LCLAT1: variants seen among roughly 807,000 people sequenced by gnomAD.
The protein encoded by LCLAT1 is lysocardiolipin acyltransferase 1.
A neutral mutation model predicts 30.7 loss-of-function variants in LCLAT1; 11 were observed. The observed-to-expected ratio is 0.36, with a 90% CI of 0.23 to 0.59. The LOEUF (loss-of-function observed/expected upper bound fraction) is 0.59, where lower values mean the gene tolerates loss of function less well. LCLAT1 is among the 20% of genes least tolerant of loss of function. The pLI is 0.77. For missense variants in LCLAT1, 402 were observed against 458.6 expected, an observed-to-expected ratio of 0.88 and a Z score of 1.13; for synonymous variants, 155 against 151.3, an observed-to-expected ratio of 1.02 and a Z score of -0.18.
At chr2:30,618,673 T>C (rs1668104922) in intron 5 of LCLAT1, among the ~76,000 whole-genome samples, 1 of 152,186 alleles carries the variant, frequency 6.6e-6, no homozygotes, top group Admixed American at 6.5e-5. Flanking sequence ...TGTTTACCTA[T>C]GTAACAAACC....
intron 3 of LCLAT1, among the ~76,000 whole-genome samples, chr2:30,535,677 G>A (rs1686208638): frequency 6.6e-6 from 1 of 152,168 alleles, no homozygotes; most frequent in Non-Finnish European, 1.5e-5. Context: ...CCCTATGAAA[G>A]CTATATCATA....
At chr2:30,615,272 A>G (rs1667941513) in intron 5 of LCLAT1, among the ~76,000 whole-genome samples, 1 of 152,156 alleles carries the variant, frequency 6.6e-6, no homozygotes, top group East Asian at 1.9e-4. Flanking sequence ...CCCTAAATAC[A>G]TGCGTGGACA....
intron 3 of LCLAT1, among the ~76,000 whole-genome samples, chr2:30,552,999 T>G (rs1302294410): frequency 6.6e-6 from 1 of 152,194 alleles, no homozygotes; most frequent in Admixed American, 6.5e-5. Flanking sequence ...TTTCTTCTGG[T>G]GTCATATTCA....
intron 5 of LCLAT1, 148 bp from the exon 6 acceptor site, chr2:30,639,969 G>A (rs1222876599): frequency 1.6e-6 from 1 of 634,904 alleles, no homozygotes; most frequent in Non-Finnish European, 2.8e-6. Flanking sequence ...AGGTGTCCAG[G>A]AACACCAGTA....
intron 5 of LCLAT1, among the ~76,000 whole-genome samples, chr2:30,621,903 G>T (rs1469741786): frequency 6.6e-6 from 1 of 152,170 alleles, no homozygotes; most frequent in Non-Finnish European, 1.5e-5. Flanking sequence ...TTTCCTGGAC[G>T]GAATCTGGTG....
chr2:30,504,650 A>G (rs1179072919), intron 1 of LCLAT1, among the ~76,000 whole-genome samples: 1 of 152,180 alleles, frequency 6.6e-6, no homozygotes, highest in Non-Finnish European at 1.5e-5. Flanking sequence ...GCAGTTACTG[A>G]CAGGCAACTT....
At chr2:30,521,882 G>C (rs1188987244) in intron 1 of LCLAT1, among the ~76,000 whole-genome samples, 1 of 152,056 alleles carries the variant, frequency 6.6e-6, no homozygotes, top group Non-Finnish European at 1.5e-5. Context: ...CCGCTGATCT[G>C]TTTCCTTATC....
intron 1 of LCLAT1, among the ~76,000 whole-genome samples, chr2:30,510,250 G>A (rs1217343089): frequency 1.3e-5 from 2 of 151,868 alleles, no homozygotes; most frequent in Non-Finnish European, 2.9e-5. Flanking sequence ...TTTTAGTGGA[G>A]CCCATTTTCC....
At chr2:30,599,683 C>T (rs1054900881) in intron 5 of LCLAT1, among the ~76,000 whole-genome samples, 1 of 13,096 alleles carries the variant, frequency 7.6e-5, no homozygotes, top group Non-Finnish European at 1.7e-4. Flanking sequence ...TAAATTGAAC[C>T]CTTTATCATT....
intron 1 of LCLAT1, among the ~76,000 whole-genome samples, chr2:30,472,607 T>A (rs1682854359): frequency 6.6e-6 from 1 of 152,202 alleles, no homozygotes; most frequent in Admixed American, 6.5e-5. Context: ...TTTGGTAAAG[T>A]GTTCTGTTGT....
At chr2:30,479,210 CTTGTTTT>C (rs921408615) in intron 1 of LCLAT1, among the ~76,000 whole-genome samples, 3 of 151,876 alleles carry the variant, frequency 2.0e-5, no homozygotes, top group Non-Finnish European at 4.4e-5. Context: ...AGAGTATATA[CTTGTTTT>C]TTGTTTTTTA....
In LCLAT1 at chr2:30,608,480, G is replaced by C. The variant is rs186612609; in HGVS notation, c.629-31637G>C. ...TCACATTCACTCACCCTCACTCACT[G>C]ACTCACCCAGAGCAACTTCCAGTCC... On this transcript the variant is annotated intron_variant, in intron 5 of 5. Transcript: ENST00000379509. Among the ~76,000 whole-genome samples the C allele has an allele frequency of 1.5e-4, 23 of 152,094 alleles. No homozygotes were observed. In the East Asian group the frequency reaches 4.2e-3, roughly 28 times the overall value.
chr2:30,480,087 A>G (rs1352550059), intron 1 of LCLAT1, among the ~76,000 whole-genome samples: 4 of 152,230 alleles, frequency 2.6e-5, no homozygotes, highest in Non-Finnish European at 5.9e-5. Flanking sequence ...TGGATGTAAA[A>G]TGACATTATT....
chr2:30,497,119 G>A (rs1684157489), intron 1 of LCLAT1, among the ~76,000 whole-genome samples: 1 of 152,166 alleles, frequency 6.6e-6, no homozygotes, highest in Admixed American at 6.5e-5. Context: ...GATACTTAGG[G>A]AAGATGCCCT....
chr2:30,496,542 A>G (rs1353002700), intron 1 of LCLAT1, among the ~76,000 whole-genome samples: 1 of 152,186 alleles, frequency 6.6e-6, no homozygotes, highest in Non-Finnish European at 1.5e-5. Flanking sequence ...GACCTTGGGC[A>G]CAAACCCATT....
At chr2:30,583,915 T>G (rs1340923402) in intron 5 of LCLAT1, among the ~76,000 whole-genome samples, 4 of 151,834 alleles carry the variant, frequency 2.6e-5, no homozygotes, top group Non-Finnish European at 4.4e-5. Context: ...TTTTCTTTCC[T>G]TTTAAGTTCC....
At position 30,588,365 on chromosome 2, in the gene LCLAT1, C is replaced by T. The variant is rs573947255; in HGVS notation, c.628+20189C>T. 7.2e-5 allele frequency among the ~76,000 whole-genome samples: 11 copies of T among 152,334 alleles called. No homozygotes were observed. In the South Asian group the frequency reaches 2.1e-3, roughly 29 times the overall value. On this transcript the variant is annotated intron_variant, in intron 5 of 5. Coordinates refer to ENST00000379509, the MANE Select transcript of LCLAT1 (RefSeq NM_001002257.3). ...CTCCTGTCCTTTTTACCAGTTTCTG[C>T]TCATGTGGCTGTGCCCCCAAACATC... is the stretch of plus-strand genomic sequence containing the variant.
intron 1 of LCLAT1, among the ~76,000 whole-genome samples, chr2:30,478,683 ATAGATAGG>A (rs1482813751): frequency 1.3e-4 from 12 of 94,744 alleles, no homozygotes; most frequent in South Asian, 1.1e-3. Context: ...AAATAAATAG[ATAGATAGG>A]TAGGTAGGTA....
chr2:30,480,325 G>A (rs1235900622), intron 1 of LCLAT1, among the ~76,000 whole-genome samples: 1 of 151,902 alleles, frequency 6.6e-6, no homozygotes, highest in African/African-American at 2.4e-5. Context: ...TGAGTAGCTG[G>A]GACTACAGGT....
Sources: allele counts gnomAD v4.1 joint callset (sites outside exome capture counted in the v4.1 genomes callset), GRCh38; gene constraint gnomAD v4.1.1; transcripts MANE v1.5; gene names NCBI Gene and HGNC (gene_info 2026-07-23, HGNC 2026-07-21).